Variants in SLC22A3 observed in about 807,000 individuals in gnomAD.
SLC22A3 encodes EMT organic cation transporter 3.
In SLC22A3, 51 loss-of-function variants were observed where a neutral mutation model predicts 59.1. That is an observed-to-expected ratio of 0.86 (90% confidence interval 0.69 to 1.09). The LOEUF is 1.09. Ranked by LOEUF, SLC22A3 falls within the 50% of genes least tolerant of loss-of-function variation. The pLI is 0.00. For synonymous variants in SLC22A3, 325 were observed against 292.0 expected (o/e 1.11, Z -1.15); for missense variants, 711 against 726.3 (o/e 0.98, Z 0.24).
At chr6:160,420,520 C>G (rs891850573) in intron 5 of SLC22A3, among the ~76,000 whole-genome samples, 1 of 152,216 alleles carries the variant, frequency 6.6e-6, no homozygotes, top group Non-Finnish European at 1.5e-5. Context: ...GCATTCAGTA[C>G]TTGCAATCAA....
chr6:160,377,356 G>A (rs140739834), intron 1 of SLC22A3, among the ~76,000 whole-genome samples: 5 of 152,050 alleles, frequency 3.3e-5, no homozygotes, highest in Non-Finnish European at 5.9e-5. Context: ...GTGGTGATAT[G>A]CACCTATAGT....
At chr6:160,406,358 C>A (rs1458316171) in intron 2 of SLC22A3, among the ~76,000 whole-genome samples, 4 of 152,162 alleles carry the variant, frequency 2.6e-5, no homozygotes, top group African/African-American at 7.2e-5. Context: ...TAATTTGACA[C>A]CACTATGCTG....
chr6:160,430,259 C>T (rs923433877), intron 5 of SLC22A3, among the ~76,000 whole-genome samples: 1 of 151,866 alleles, frequency 6.6e-6, no homozygotes, highest in African/African-American at 2.4e-5. Flanking sequence ...TCTCCTGCTA[C>T]TGATGAGAAA....
At chr6:160,393,490 C>G (rs151045520) in intron 1 of SLC22A3, among the ~76,000 whole-genome samples, 1,632 of 146,136 alleles carry the variant, frequency 0.011, 34 homozygotes, top group African/African-American at 0.039. Context: ...CTTCCTGTGT[C>G]CATGTGTTCT....
intron 1 of SLC22A3, among the ~76,000 whole-genome samples, chr6:160,391,377 C>T (rs950224761): frequency 6.6e-6 from 1 of 152,074 alleles, no homozygotes; most frequent in African/African-American, 2.4e-5. Flanking sequence ...TTATCATCAG[C>T]ATTATATCAC....
In SLC22A3 at chr6:160,452,223, T is replaced by C. The variant is rs1338333404; in HGVS notation, c.*1167T>C. 6.6e-6 allele frequency: 1 copy of C among 152,232 alleles called. No individual in the cohort carries two copies. Among genetic ancestry groups the C allele is most frequent in the Non-Finnish European group, 1.5e-5 (1 of 68,040 alleles). The allele number at this position is 152,232 out of a possible 1,614,324, so 9.4% of individuals were successfully genotyped here. Reference sequence around the variant, plus strand: ...TGCAGTCTATATTTTATGCTGAGTTTTAAAAATGAAATACTTTATGCAAAC... The same window carrying C: ...TGCAGTCTATATTTTATGCTGAGTTCTAAAAATGAAATACTTTATGCAAAC... On this transcript the variant is annotated 3_prime_UTR_variant, in exon 11 of 11. Coordinates refer to ENST00000275300, the MANE Select transcript of SLC22A3 (RefSeq NM_021977.4).
intron 1 of SLC22A3, among the ~76,000 whole-genome samples, chr6:160,368,360 A>AC (rs1363536510): frequency 6.6e-6 from 1 of 151,576 alleles, no homozygotes; most frequent in Non-Finnish European, 1.5e-5. Context: ...TCTGGTCCCC[A>AC]CCCCTCCTGG....
At chr6:160,386,540 A>G (rs1786023858) in intron 1 of SLC22A3, among the ~76,000 whole-genome samples, 1 of 152,188 alleles carries the variant, frequency 6.6e-6, no homozygotes, top group Non-Finnish European at 1.5e-5. Context: ...AGCTTCTGCT[A>G]GGTTGCTGTG....
chr6:160,442,040 T>C (rs879076051), intron 7 of SLC22A3, among the ~76,000 whole-genome samples: 1 of 152,178 alleles, frequency 6.6e-6, no homozygotes, highest in Admixed American at 6.5e-5. Flanking sequence ...TCCCACTAGT[T>C]AGTAGGGAGG....
chr6:160,357,165 C>T (rs1306855667), intron 1 of SLC22A3, among the ~76,000 whole-genome samples: 1 of 152,182 alleles, frequency 6.6e-6, no homozygotes, highest in Non-Finnish European at 1.5e-5. Context: ...ACCTGAGAAA[C>T]AAAGGCACCT....
intron 5 of SLC22A3, among the ~76,000 whole-genome samples, chr6:160,436,124 C>T (rs547750089): frequency 6.6e-6 from 1 of 152,328 alleles, no homozygotes; most frequent in East Asian, 1.9e-4. Context: ...GCTGCGGTCA[C>T]TGCAGGGTAT....
intron 1 of SLC22A3, among the ~76,000 whole-genome samples, chr6:160,395,934 A>T (rs73590807): frequency 6.6e-6 from 1 of 152,210 alleles, no homozygotes; most frequent in Non-Finnish European, 1.5e-5. Context: ...TCTTCATGCT[A>T]GAGTCTAATG....
At chr6:160,431,003 G>C (rs1458076050) in intron 5 of SLC22A3, among the ~76,000 whole-genome samples, 1 of 152,182 alleles carries the variant, frequency 6.6e-6, no homozygotes, top group East Asian at 1.9e-4. Context: ...TCCGTACCAC[G>C]GTTGTGGTGG....
chr6:160,400,491 T>C (rs1030116460), intron 2 of SLC22A3, among the ~76,000 whole-genome samples: 1 of 152,052 alleles, frequency 6.6e-6, no homozygotes, highest in Non-Finnish European at 1.5e-5. Context: ...TTTAGAGACA[T>C]AGGTTCACTA....
chr6:160,400,974 C>G (rs555187989), intron 2 of SLC22A3, among the ~76,000 whole-genome samples: 1 of 107,000 alleles, frequency 9.3e-6, no homozygotes, highest in African/African-American at 3.7e-5. Flanking sequence ...CAGTAGAAAC[C>G]TCCAAAACTG....
At chr6:160,441,136 T>C (rs1011997886) in intron 7 of SLC22A3, among the ~76,000 whole-genome samples, 3 of 152,164 alleles carry the variant, frequency 2.0e-5, no homozygotes, top group Non-Finnish European at 4.4e-5. Context: ...ATAGTGAAGC[T>C]GTTTCCTAGG....
chr6:160,446,203 C>A (rs1325721071), intron 9 of SLC22A3, among the ~76,000 whole-genome samples: 1 of 152,130 alleles, frequency 6.6e-6, no homozygotes, highest in Admixed American at 6.5e-5. Flanking sequence ...CAGCAAGAGG[C>A]AGAAGGAACC....
At chr6:160,362,492 C>G (rs1490676756) in intron 1 of SLC22A3, among the ~76,000 whole-genome samples, 1 of 152,212 alleles carries the variant, frequency 6.6e-6, no homozygotes, top group Non-Finnish European at 1.5e-5. Context: ...CACCCTTTCC[C>G]GTTGTTGTCT....
At chr6:160,362,589 A>G (rs938932412) in intron 1 of SLC22A3, among the ~76,000 whole-genome samples, 4 of 152,144 alleles carry the variant, frequency 2.6e-5, no homozygotes, top group African/African-American at 7.2e-5. Flanking sequence ...TGTTTCATGC[A>G]TTAGACTCTC....
Sources: gnomAD v4.1 joint callset for allele counts (sites outside exome capture counted in the v4.1 genomes callset) on GRCh38, gnomAD v4.1.1 for gene constraint, MANE v1.5 for transcripts, NCBI Gene and HGNC (gene_info 2026-07-23, HGNC 2026-07-21) for gene names.